Variants in ARHGAP8 observed in about 807,000 individuals in gnomAD.
ARHGAP8 encodes Rho GTPase activating protein 8.
Under a neutral mutation model 46.1 loss-of-function variants are expected in ARHGAP8, and 62 were observed. The observed-to-expected ratio is 1.34, with a 90% confidence interval of 1.10 to 1.66. ARHGAP8 has a LOEUF of 1.66. Ranked by LOEUF, ARHGAP8 falls within the 40% of genes most tolerant of loss-of-function variation. ARHGAP8 has a pLI of 0.00. For synonymous variants in ARHGAP8, 375 were observed against 243.1 expected (o/e 1.54, Z -5.05); for missense variants, 923 against 568.4 (o/e 1.62, Z -6.34).
At chr22:44,760,526 C>T (rs555163834) in intron 1 of ARHGAP8, among the ~76,000 whole-genome samples, 19 of 152,250 alleles carry the variant, frequency 1.2e-4, no homozygotes, top group African/African-American at 4.3e-4. Flanking sequence ...AGTTCCAAAA[C>T]GAGAGCCTGC....
At chr22:44,857,567 A>C (rs1370138941) in intron 10 of ARHGAP8, among the ~76,000 whole-genome samples, 1 of 152,158 alleles carries the variant, frequency 6.6e-6, no homozygotes, top group Admixed American at 6.6e-5. Flanking sequence ...AGAAGAGTGG[A>C]GAGGCGTGGG....
At chr22:44,801,710 G>A (rs548043129) in intron 2 of ARHGAP8, 20 of 236,312 alleles carry the variant, frequency 8.5e-5, no homozygotes, top group African/African-American at 4.3e-4. Context: ...CATGGGGTGG[G>A]GGGTTGGAGG....
At chr22:44,828,085 C>T (rs897706837) in intron 7 of ARHGAP8, among the ~76,000 whole-genome samples, 14 of 152,166 alleles carry the variant, frequency 9.2e-5, no homozygotes, top group African/African-American at 1.7e-4. Flanking sequence ...CAGCTCTGAC[C>T]GATTCACCCT....
intron 6 of ARHGAP8, among the ~76,000 whole-genome samples, chr22:44,823,135 T>G (rs1444780517): frequency 1.3e-5 from 2 of 152,158 alleles, no homozygotes; most frequent in Non-Finnish European, 1.5e-5. Flanking sequence ...GTAATGGAGA[T>G]AATAACTTCT....
chr22:44,803,810 C>T, intron 3 of ARHGAP8, among the ~76,000 whole-genome samples: 1 of 148,018 alleles, frequency 6.8e-6, no homozygotes, highest in East Asian at 2.0e-4. Flanking sequence ...CCTGTGCACA[C>T]ATACCTGCTC....
intron 8 of ARHGAP8, among the ~76,000 whole-genome samples, chr22:44,846,553 C>CG (rs1265744701): frequency 6.6e-6 from 1 of 152,158 alleles, no homozygotes; most frequent in Non-Finnish European, 1.5e-5. Context: ...TGAGCAGGTA[C>CG]GGGGGGCACC....
Position 44,862,476 on chromosome 22 carries a change from T to G in ARHGAP8, c.1183T>G (p.Trp395Gly), listed in dbSNP as rs775996813. The G allele has an allele frequency of 6.2e-7, 1 of 1,613,860 alleles. No homozygotes were observed. Among genetic ancestry groups the G allele is most frequent in the Non-Finnish European group, 8.5e-7 (1 of 1,179,884 alleles). Reference protein sequence around the residue: ...EAPGEHGLAPWEQGSRAAPLQ... With the variant: ...EAPGEHGLAPGEQGSRAAPLQ... ...ACCTGGGGAGCACGGCCTGGCACCA[T>G]GGGAACAGGGGAGCAGGGCAGCCCC... Residue 395 changes from tryptophan to glycine, a missense_variant, in exon 12 of 12, where the codon TGG becomes GGG. By Grantham distance (184) the Trp-to-Gly change is radical (BLOSUM62 -2). Coordinates refer to ENST00000356099, the MANE Select transcript of ARHGAP8 (RefSeq NM_181335.3).
chr22:44,852,216 AAGGAAGGG>A (rs1414573563), intron 10 of ARHGAP8, among the ~76,000 whole-genome samples: 2 of 139,294 alleles, frequency 1.4e-5, no homozygotes, highest in Admixed American at 7.3e-5. Flanking sequence ...AAAAAAAAAA[AAGGAAGGG>A]AGGAAGGAAG....
intron 1 of ARHGAP8, among the ~76,000 whole-genome samples, chr22:44,763,514 A>T (rs941384009): frequency 7.0e-6 from 1 of 143,072 alleles, no homozygotes; most frequent in Non-Finnish European, 1.5e-5. Context: ...AAAAAAAAAG[A>T]TACTTTTCAG....
chr22:44,860,263 G>A (rs184767783), intron 11 of ARHGAP8, among the ~76,000 whole-genome samples: 1 of 152,212 alleles, frequency 6.6e-6, no homozygotes, highest in African/African-American at 2.4e-5. Flanking sequence ...TGACTGCATC[G>A]TGGGTGCCTT....
intron 7 of ARHGAP8, among the ~76,000 whole-genome samples, chr22:44,829,358 T>C (rs1394972133): frequency 6.6e-6 from 1 of 151,898 alleles, no homozygotes; most frequent in Non-Finnish European, 1.5e-5. Flanking sequence ...GCCGTCTACC[T>C]GAGTGAAGTG....
intron 10 of ARHGAP8, among the ~76,000 whole-genome samples, chr22:44,858,517 G>A (rs1004549214): frequency 2.2e-5 from 3 of 133,598 alleles, no homozygotes; most frequent in Non-Finnish European, 4.7e-5. Context: ...TTACAGGTGT[G>A]TGCCACCATA....
At position 44,825,596 on chromosome 22, in the gene ARHGAP8, A is replaced by T. The variant is rs1359115076; in HGVS notation, c.596+3A>T. The T allele has an allele frequency of 5.6e-6, 9 of 1,610,948 alleles. No homozygotes were observed. Among genetic ancestry groups the T allele is most frequent in the Non-Finnish European group, 6.8e-6 (8 of 1,178,630 alleles). ...CAGTTTGGCGTCAGTCTGCAATAGT[A>T]AGTGAGCCGGGGATGTGCCTGCTCC... is the stretch of plus-strand genomic sequence containing the variant. On this transcript the variant is annotated splice_donor_region_variant and intron_variant, in intron 7 of 11. Transcript: ENST00000356099.
intron 7 of ARHGAP8, among the ~76,000 whole-genome samples, chr22:44,832,813 G>A (rs1602240082): frequency 6.6e-6 from 1 of 152,156 alleles, no homozygotes; most frequent in Non-Finnish European, 1.5e-5. Context: ...AGACATGGTT[G>A]TCTTACTCCT....
intron 3 of ARHGAP8, among the ~76,000 whole-genome samples, chr22:44,808,066 G>C (rs907784794): frequency 5.9e-5 from 9 of 152,162 alleles, no homozygotes; most frequent in Non-Finnish European, 1.2e-4. Flanking sequence ...CTTTCCACGG[G>C]CAACAATCTG....
chr22:44,830,506 T>G (rs889617566), intron 7 of ARHGAP8, among the ~76,000 whole-genome samples: 2 of 151,410 alleles, frequency 1.3e-5, no homozygotes, highest in African/African-American at 4.9e-5. Context: ...AATTTTTTTT[T>G]TGCATTTTTA....
intron 1 of ARHGAP8, among the ~76,000 whole-genome samples, chr22:44,778,949 C>CACGTG (rs2147030693): frequency 5.3e-5 from 1 of 18,766 alleles, no homozygotes; most frequent in East Asian, 7.1e-4. Flanking sequence ...TTTTCTTTCA[C>CACGTG]CCATAATGAG....
At chr22:44,861,594 C>A (rs1327837856) in intron 11 of ARHGAP8, among the ~76,000 whole-genome samples, 2 of 152,194 alleles carry the variant, frequency 1.3e-5, no homozygotes, top group Non-Finnish European at 2.9e-5. Context: ...CCTCATGACC[C>A]CTGTTTCTGA....
At chr22:44,847,157 C>T (rs898977660) in intron 8 of ARHGAP8, among the ~76,000 whole-genome samples, 3 of 152,216 alleles carry the variant, frequency 2.0e-5, no homozygotes, top group Non-Finnish European at 2.9e-5. Context: ...TCATGCACCG[C>T]AGGCCCCCCA....
Sources: allele counts gnomAD v4.1 joint callset (sites outside exome capture counted in the v4.1 genomes callset), GRCh38; gene constraint gnomAD v4.1.1; transcripts MANE v1.5; gene names NCBI Gene and HGNC (gene_info 2026-07-23, HGNC 2026-07-21).